The following IPCEF1 variants were observed in gnomAD, a reference collection of about 807,000 sequenced individuals.
IPCEF1 encodes the protein interaction protein for cytohesin exchange factors 1.
A neutral mutation model predicts 50.9 loss-of-function variants in IPCEF1; 31 were observed. That is an observed-to-expected ratio of 0.61 (90% CI 0.46 to 0.82). The LOEUF is 0.82. IPCEF1 is among the 40% of genes least tolerant of loss of function. The pLI, the probability that IPCEF1 is intolerant of heterozygous loss-of-function variation, is 0.00. For missense variants in IPCEF1, 458 were observed against 514.0 expected (o/e 0.89, Z 1.05); for synonymous variants, 181 against 192.0 (o/e 0.94, Z 0.47).
In IPCEF1 at chr6:154,219,638, TA is replaced by T. The variant is rs879751181; in HGVS notation, c.392+1618del. ...AACAGGATTTAGCAACTGATGCAAA[TA>T]AAAAAAAAATAAGTAAAGATCTTTG... is the stretch of plus-strand genomic sequence containing the variant. On this transcript the variant is annotated intron_variant, in intron 7 of 11. Transcript: ENST00000367220. Among the ~76,000 whole-genome samples, 374 of 147,612 alleles carry T rather than the reference TA, an allele frequency of 2.5e-3. 4 individuals are homozygous for T. The highest frequency in any genetic ancestry group is 8.0e-3 in the African/African-American group (325 of 40,460).
At chr6:154,252,857 G>A (rs1017638633) in intron 3 of IPCEF1, among the ~76,000 whole-genome samples, 3 of 152,220 alleles carry the variant, frequency 2.0e-5, no homozygotes, top group Non-Finnish European at 2.9e-5. Context: ...GAAAAGAGGC[G>A]TCATGATAGT....
Position 154,305,165 on chromosome 6 carries a change from G to A in IPCEF1, c.-61-15409C>T, listed in dbSNP as rs556775285. Among the ~76,000 whole-genome samples, 38 of 83,792 alleles carry A rather than the reference G, an allele frequency of 4.5e-4. No homozygotes were observed. In the South Asian group the frequency reaches 0.02, roughly 44 times the overall value. The allele number at this position is 83,792 out of a possible 152,430, so 55.0% of individuals were successfully genotyped here. On this transcript the variant is annotated intron_variant, in intron 1 of 11. Coordinates refer to ENST00000367220, the MANE Select transcript of IPCEF1 (RefSeq NM_001130700.2). ...AAGAAAGAAAATATGTGAGAAGACT[G>A]TGCCTCCTTGCTGTTACTCAGCCCC...
rs564384773 is a variant in IPCEF1, at chr6:154,173,515, C to T, written c.911-5402G>A. Among the ~76,000 whole-genome samples, 41 of 152,030 alleles carry T rather than the reference C, an allele frequency of 2.7e-4. No individual in the cohort carries two copies. The South Asian group carries it at 8.5e-3, about 32-fold the overall frequency. On this transcript the variant is annotated intron_variant, in intron 10 of 11. Coordinates refer to ENST00000367220, the MANE Select transcript of IPCEF1 (RefSeq NM_001130700.2). ...GCTGAAAACCACAGTACAAGAACTTCGTGAAGCATACACAAGCTTCAACAG... is the reference window on the plus strand; with the variant it reads ...GCTGAAAACCACAGTACAAGAACTTTGTGAAGCATACACAAGCTTCAACAG...
intron 1 of IPCEF1, among the ~76,000 whole-genome samples, chr6:154,313,292 T>C (rs1022915635): frequency 5.3e-5 from 8 of 151,764 alleles, no homozygotes; most frequent in African/African-American, 1.9e-4. Flanking sequence ...GAAGAATCAC[T>C]TGAACCTAGG....
At chr6:154,297,756 C>T (rs943463393) in intron 1 of IPCEF1, among the ~76,000 whole-genome samples, 3 of 152,172 alleles carry the variant, frequency 2.0e-5, no homozygotes, top group Non-Finnish European at 2.9e-5. Flanking sequence ...TCTGTACATA[C>T]AGTTTTGTGT....
chr6:154,163,911 GA>G (rs1799222164), intron 11 of IPCEF1, among the ~76,000 whole-genome samples: 1 of 152,124 alleles, frequency 6.6e-6, no homozygotes, highest in South Asian at 2.1e-4. Flanking sequence ...CCAAAATGGA[GA>G]AAAAACAGTG....
intron 2 of IPCEF1, among the ~76,000 whole-genome samples, chr6:154,266,560 CTATATATATATA>C (rs34187257): frequency 7.4e-6 from 1 of 134,834 alleles, no homozygotes; most frequent in Non-Finnish European, 1.6e-5. Context: ...CTTAATATTA[CTATATATATATA>C]TATATATATA....
At chr6:154,200,077 G>T (rs1402696199) in intron 9 of IPCEF1, 37 bp from the exon 10 acceptor site, 1 of 1,544,900 alleles carries the variant, frequency 6.5e-7, no homozygotes, top group Admixed American at 2.0e-5. Context: ...AAGAATAAAA[G>T]ACATCATGAT....
chr6:154,319,810 G>A (rs186820820), intron 1 of IPCEF1, among the ~76,000 whole-genome samples: 12 of 152,274 alleles, frequency 7.9e-5, no homozygotes, highest in East Asian at 1.9e-4. Flanking sequence ...TCTGTTCCAC[G>A]CTCCCAATAC....
At chr6:154,258,589 C>T (rs1486783425) in intron 3 of IPCEF1, among the ~76,000 whole-genome samples, 2 of 152,210 alleles carry the variant, frequency 1.3e-5, no homozygotes, top group African/African-American at 2.4e-5. Flanking sequence ...CTCTCCTACA[C>T]ATTTGCTCAC....
chr6:154,159,924 C>T lies in IPCEF1; in HGVS notation c.1221G>A (p.Gln407=). The stretch of plus-strand genomic sequence containing the variant: ...CAGGGGCAGGCGAAGCCCGCTGCTG[C>T]TGATAGATGTCCTGGATCAGCAGGG... The part of the protein sequence containing the change: ...MNTLLIQDIY[Q]QQRASPAPDD... The change falls in exon 12 of 12, where the codon CAG becomes CAA. Residue 407 remains glutamine (Q), a synonymous_variant. Coordinates refer to ENST00000367220, the MANE Select transcript of IPCEF1 (RefSeq NM_001130700.2). 6.2e-7 allele frequency: 1 copy of T among 1,613,840 alleles called. No homozygotes were observed. Among genetic ancestry groups the T allele is most frequent in the Non-Finnish European group, 8.5e-7 (1 of 1,179,978 alleles).
intron 1 of IPCEF1, among the ~76,000 whole-genome samples, chr6:154,315,902 A>T (rs1179410183): frequency 1.3e-5 from 2 of 150,758 alleles, no homozygotes; most frequent in Non-Finnish European, 2.9e-5. Context: ...ATCTCAGCTC[A>T]CTGCAATCTC....
chr6:154,339,200 C>G (rs901951930), intron 1 of IPCEF1, among the ~76,000 whole-genome samples: 1 of 152,130 alleles, frequency 6.6e-6, no homozygotes, highest in Non-Finnish European at 1.5e-5. Context: ...AAACTCTATA[C>G]TTGATCATAT....
intron 5 of IPCEF1, among the ~76,000 whole-genome samples, chr6:154,236,766 G>A (rs550391748): frequency 6.6e-6 from 1 of 152,160 alleles, no homozygotes; most frequent in South Asian, 2.1e-4. Context: ...AGAGATGGTG[G>A]GTGGTTTGCC....
intron 10 of IPCEF1, among the ~76,000 whole-genome samples, chr6:154,198,191 T>C (rs1776776418): frequency 6.6e-6 from 1 of 152,216 alleles, no homozygotes; most frequent in Admixed American, 6.5e-5. Flanking sequence ...AAAGTTCTTA[T>C]GCTGAGCATG....
In IPCEF1 at chr6:154,180,414, A is replaced by ATATTTT. The variant is rs1241250621; in HGVS notation, c.911-12302_911-12301insAAAATA. The stretch of plus-strand genomic sequence containing the variant: ...TATATATATATATATATATATATAT[A>ATATTTT]TTTTTTTTTTAAACATGATCCTTCT... On this transcript the variant is annotated intron_variant, in intron 10 of 11. Transcript: ENST00000367220. Among the ~76,000 whole-genome samples the ATATTTT allele has an allele frequency of 3.5e-3, 227 of 65,194 alleles. 1 individual carries two copies. The highest frequency in any genetic ancestry group is 9.7e-3 in the African/African-American group (201 of 20,796). 42.8% of individuals were successfully genotyped at this position (65,194 alleles called of 152,430 possible).
intron 1 of IPCEF1, among the ~76,000 whole-genome samples, chr6:154,318,238 T>G (rs544382896): frequency 2.6e-5 from 4 of 152,210 alleles, no homozygotes; most frequent in African/African-American, 2.4e-5. Flanking sequence ...AAAATTCTGG[T>G]TTTTGGTAAT....
At chr6:154,257,743 A>G (rs1158050724) in intron 3 of IPCEF1, among the ~76,000 whole-genome samples, 1 of 152,124 alleles carries the variant, frequency 6.6e-6, no homozygotes, top group Non-Finnish European at 1.5e-5. Context: ...TTTTTCACCC[A>G]GGCTGGAGTA....
At chr6:154,303,965 A>T (rs1005314285) in intron 1 of IPCEF1, among the ~76,000 whole-genome samples, 1 of 151,906 alleles carries the variant, frequency 6.6e-6, no homozygotes, top group Non-Finnish European at 1.5e-5. Context: ...GGGGGCATGC[A>T]TCTGTGGTCC....
Sources: gnomAD v4.1 joint callset for allele counts (sites outside exome capture counted in the v4.1 genomes callset) on GRCh38, gnomAD v4.1.1 for gene constraint, MANE v1.5 for transcripts, NCBI Gene and HGNC (gene_info 2026-07-23, HGNC 2026-07-21) for gene names.